The following NCK2 variants were observed in gnomAD, a reference collection of about 807,000 sequenced individuals.
The protein encoded by NCK2 is cytoplasmic protein NCK2.
Under a neutral mutation model 33.9 loss-of-function variants are expected in NCK2, and 16 were observed. The ratio of observed to expected loss-of-function variants is 0.47; its 90% confidence interval spans 0.32 to 0.72. The LOEUF is 0.72. NCK2 is among the 30% of genes least tolerant of loss of function. The pLI, the probability that NCK2 is intolerant of heterozygous loss-of-function variation, is 0.03. For synonymous variants in NCK2, 273 were observed against 239.9 expected, an observed-to-expected ratio of 1.14 and a Z score of -1.27; for missense variants, 418 against 537.3, an observed-to-expected ratio of 0.78 and a Z score of 2.19.
At chr2:105,781,022 T>C (rs1690477878) in intron 1 of NCK2, among the ~76,000 whole-genome samples, 1 of 152,206 alleles carries the variant, frequency 6.6e-6, no homozygotes, top group East Asian at 1.9e-4. Context: ...AATCTAGATT[T>C]TGTCTCTCAC....
intron 1 of NCK2, among the ~76,000 whole-genome samples, chr2:105,792,840 C>T (rs989102914): frequency 1.3e-5 from 2 of 152,146 alleles, no homozygotes; most frequent in African/African-American, 4.8e-5. Flanking sequence ...GTGGCCTCCA[C>T]CTGTAATGCA....
Position 105,747,203 on chromosome 2 carries a change from G to C in NCK2, c.-201+2065G>C, listed in dbSNP as rs550590830. Among the ~76,000 whole-genome samples the C allele has an allele frequency of 5.3e-5, 8 of 152,210 alleles. No individual in the cohort carries two copies. In the South Asian group the frequency reaches 1.7e-3, roughly 32 times the overall value. On this transcript the variant is annotated intron_variant, in intron 1 of 4. Transcript: ENST00000233154. ...CTGTTTGACCCTGCCATATTCCCAG[G>C]CTTTGTCATTTACATTTTCGGTTAT...
intron 1 of NCK2, among the ~76,000 whole-genome samples, chr2:105,767,437 C>T (rs1490011222): frequency 2.6e-5 from 4 of 152,178 alleles, no homozygotes; most frequent in Admixed American, 2.0e-4. Context: ...ACTGATGATA[C>T]AGTAATTGAT....
chr2:105,821,848 G>A (rs2104498737), intron 2 of NCK2, among the ~76,000 whole-genome samples: 1 of 135,678 alleles, frequency 7.4e-6, no homozygotes, highest in Admixed American at 7.5e-5. Flanking sequence ...CTCTCCTGTG[G>A]CTTTGTGTCC....
upstream of NCK2, chr2:105,744,887 C>T (rs1240060748): frequency 6.2e-6 from 1 of 160,988 alleles, no homozygotes; most frequent in Non-Finnish European, 1.3e-5. Flanking sequence ...CCGCCGCCGC[C>T]GCCGCCGCTG....
At chr2:105,762,306 A>T (rs1689790813) in intron 1 of NCK2, among the ~76,000 whole-genome samples, 1 of 152,202 alleles carries the variant, frequency 6.6e-6, no homozygotes, top group Non-Finnish European at 1.5e-5. Flanking sequence ...GGGGGGGTCT[A>T]GGTCCAGGCC....
chr2:105,770,821 G>GTTAGA (rs113720264), intron 1 of NCK2, among the ~76,000 whole-genome samples: 123,187 of 152,022 alleles, frequency 0.81, 50,097 homozygotes, highest in East Asian at 0.88. Context: ...GTCATTTTGG[G>GTTAGA]TTAAACAGTT....
At chr2:105,844,241 C>T (rs1411498943) in intron 2 of NCK2, among the ~76,000 whole-genome samples, 1 of 152,032 alleles carries the variant, frequency 6.6e-6, no homozygotes, top group Non-Finnish European at 1.5e-5. Flanking sequence ...CCTAAGCAGA[C>T]GTGACAACTA....
intron 1 of NCK2, among the ~76,000 whole-genome samples, chr2:105,815,946 G>C (rs544564766): frequency 1.5e-4 from 23 of 152,172 alleles, no homozygotes. Context: ...CAGGTCCCTT[G>C]ATTATGGGCT....
rs377730513 is a variant in NCK2 at position 105,893,213 on chromosome 2, C to A, written c.*37C>A. ...CCCCACACTCGCCTCCCGGGCCCCA[C>A]GGTGGAGCTGCCCGCCCGGCCTTGT... is the stretch of plus-strand genomic sequence containing the variant. On this transcript the variant is annotated 3_prime_UTR_variant, in exon 5 of 5. Transcript: ENST00000233154. The A allele has an allele frequency of 5.0e-5, 76 of 1,532,026 alleles. 1 individual carries two copies. The African/African-American group carries it at 9.6e-4, about 19-fold the overall frequency. 94.9% of individuals were successfully genotyped at this position (1,532,026 alleles called of 1,614,324 possible). A position where few individuals can be genotyped will look rare whatever the true frequency, so the allele number is the denominator to read the frequency against.
chr2:105,882,061 G>A lies in NCK2; in HGVS notation c.948+12G>A. 1 of 1,488,870 alleles carries A rather than the reference G, an allele frequency of 6.7e-7. No individual in the cohort carries two copies. Among genetic ancestry groups the A allele is most frequent in the Non-Finnish European group, 8.9e-7 (1 of 1,119,412 alleles). The allele number at this position is 1,488,870 out of a possible 1,614,324, so 92.2% of individuals were successfully genotyped here. ...ACAGCGAGTCCTCGGTAAGTGCGCT[G>A]CGCCCACAGCTCCGGCTGCAGGCAG... On this transcript the variant is annotated intron_variant, in intron 4 of 4. Coordinates refer to ENST00000233154, the MANE Select transcript of NCK2 (RefSeq NM_003581.5).
intron 2 of NCK2, among the ~76,000 whole-genome samples, chr2:105,850,962 G>T (rs922169133): frequency 2.0e-5 from 3 of 152,164 alleles, no homozygotes; most frequent in African/African-American, 7.2e-5. Context: ...AGCGTCCAAG[G>T]GATGCAACTT....
intron 1 of NCK2, among the ~76,000 whole-genome samples, chr2:105,800,267 C>G (rs1674776922): frequency 6.6e-6 from 1 of 152,236 alleles, no homozygotes; most frequent in African/African-American, 2.4e-5. Flanking sequence ...ACCTTGTTCT[C>G]TGTCCTCCCT....
intron 4 of NCK2, among the ~76,000 whole-genome samples, chr2:105,891,253 CT>C (rs200222338): frequency 1.3e-5 from 2 of 151,784 alleles, no homozygotes; most frequent in Non-Finnish European, 2.9e-5. Flanking sequence ...TCATGCAACT[CT>C]TTTTTTTGTT....
rs118139708 is a variant in NCK2 at position 105,813,016 on chromosome 2, G to A, written c.-200-3414G>A. 4.1e-4 allele frequency among the ~76,000 whole-genome samples: 62 copies of A among 152,306 alleles called. No individual in the cohort carries two copies. The East Asian group carries it at 9.1e-3, about 22-fold the overall frequency. On this transcript the variant is annotated intron_variant, in intron 1 of 4. Coordinates refer to ENST00000233154, the MANE Select transcript of NCK2 (RefSeq NM_003581.5). ...TCAGCAGATGCGATTTGCAGAATGC[G>A]ACTGTCAAGGTTCTAGCCCTTTCGT...
intron 4 of NCK2, among the ~76,000 whole-genome samples, chr2:105,888,816 G>A (rs1380900199): frequency 6.6e-6 from 1 of 152,176 alleles, no homozygotes; most frequent in East Asian, 1.9e-4. Flanking sequence ...AGCCCCCTAG[G>A]GGTTCATGTG....
chr2:105,806,294 G>C (rs1675037252), intron 1 of NCK2, among the ~76,000 whole-genome samples: 1 of 144,454 alleles, frequency 6.9e-6, no homozygotes, highest in African/African-American at 2.6e-5. Context: ...CTGCAGTGCA[G>C]TGGCACGATC....
intron 4 of NCK2, among the ~76,000 whole-genome samples, chr2:105,892,781 G>A (rs1679041296): frequency 6.6e-6 from 1 of 151,840 alleles, no homozygotes; most frequent in Non-Finnish European, 1.5e-5. Context: ...GTGAGGCGGA[G>A]GTTGCAGTGA....
chr2:105,772,722 C>G (rs12479428), intron 1 of NCK2, among the ~76,000 whole-genome samples: 1 of 151,830 alleles, frequency 6.6e-6, no homozygotes, highest in East Asian at 1.9e-4. Flanking sequence ...AGTTTTTCCC[C>G]GAAACTCTTC....
Sources: gnomAD v4.1 joint callset for allele counts (sites outside exome capture counted in the v4.1 genomes callset) on GRCh38, gnomAD v4.1.1 for gene constraint, MANE v1.5 for transcripts, NCBI Gene and HGNC (gene_info 2026-07-23, HGNC 2026-07-21) for gene names.